RPS6KA5: variants seen among roughly 807,000 people sequenced by gnomAD.
RPS6KA5 encodes the protein ribosomal protein S6 kinase alpha-5.
RPS6KA5 carries 27 observed loss-of-function variants against 85.5 expected under a neutral mutation model. The ratio of observed to expected loss-of-function variants is 0.32; its 90% confidence interval spans 0.23 to 0.44. The LOEUF (loss-of-function observed/expected upper bound fraction) is 0.44, where lower values mean the gene tolerates loss of function less well. Ranked by LOEUF, RPS6KA5 falls within the 20% of genes least tolerant of loss-of-function variation. RPS6KA5 has a pLI of 1.00. For synonymous variants in RPS6KA5, 334 were observed against 348.2 expected, an observed-to-expected ratio of 0.96 and a Z score of 0.46; for missense variants, 811 against 980.9, an observed-to-expected ratio of 0.83 and a Z score of 2.31.
At chr14:90,940,598 C>T (rs1406200305) in intron 5 of RPS6KA5, among the ~76,000 whole-genome samples, 1 of 152,162 alleles carries the variant, frequency 6.6e-6, no homozygotes, top group African/African-American at 2.4e-5. Flanking sequence ...AATGATCTGC[C>T]ACACACACCT....
intron 3 of RPS6KA5, among the ~76,000 whole-genome samples, chr14:90,968,608 G>A (rs1365741341): frequency 6.6e-6 from 1 of 152,116 alleles, no homozygotes. Flanking sequence ...TGTTACTAGA[G>A]TCAATGAATA....
chr14:91,038,868 T>C (rs888531049), intron 1 of RPS6KA5, among the ~76,000 whole-genome samples: 8 of 152,206 alleles, frequency 5.3e-5, no homozygotes, highest in African/African-American at 1.4e-4. Context: ...ACAGAAGGTA[T>C]ACAGCTCTTT....
At position 91,060,608 on chromosome 14, in the gene RPS6KA5, C is replaced by T. The variant is rs1255732958; in HGVS notation, c.-174G>A. 2 of 889,426 alleles carry T rather than the reference C, an allele frequency of 2.2e-6. No individual in the cohort carries two copies. The highest frequency in any genetic ancestry group is 1.7e-5 in the African/African-American group (1 of 57,318). The allele number at this position is 889,426 out of a possible 1,614,324, so 55.1% of individuals were successfully genotyped here. ...TCTGGCCGCACGGCTCGCTCCTCGC[C>T]TCCTCCCCCTTCGGCGGGCACCGCT... On this transcript the variant is annotated 5_prime_UTR_variant, in exon 1 of 17. Transcript: ENST00000614987.
intron 3 of RPS6KA5, among the ~76,000 whole-genome samples, chr14:90,969,461 A>G (rs1436615564): frequency 1.3e-5 from 2 of 152,240 alleles, no homozygotes; most frequent in Non-Finnish European, 2.9e-5. Flanking sequence ...CATAAGCTTT[A>G]AAGTATTACT....
intron 2 of RPS6KA5, among the ~76,000 whole-genome samples, chr14:90,998,247 G>T (rs1393634216): frequency 6.6e-6 from 1 of 152,092 alleles, no homozygotes; most frequent in Admixed American, 6.6e-5. Flanking sequence ...AGGGTTCAGG[G>T]TTTCTTTCTG....
At chr14:91,003,843 C>A (rs1262350038) in intron 1 of RPS6KA5, among the ~76,000 whole-genome samples, 1 of 152,176 alleles carries the variant, frequency 6.6e-6, no homozygotes, top group African/African-American at 2.4e-5. Context: ...CCACTCTCTT[C>A]CACCTCAAGT....
intron 1 of RPS6KA5, among the ~76,000 whole-genome samples, chr14:91,010,066 G>A (rs1021228963): frequency 6.6e-5 from 10 of 151,236 alleles, no homozygotes; most frequent in Admixed American, 2.0e-4. Flanking sequence ...ACCATTAATA[G>A]GGGAAGAATG....
intron 8 of RPS6KA5, among the ~76,000 whole-genome samples, chr14:90,903,900 G>A (rs994429056): frequency 5.3e-5 from 8 of 152,066 alleles, no homozygotes; most frequent in African/African-American, 1.4e-4. Flanking sequence ...ATATGAAAAT[G>A]TGCACTTCTT....
Position 90,857,329 on chromosome 14 carries a change from G to A in RPS6KA5, c.*14745C>T, listed in dbSNP as rs1328822718. ...TATTCTGGAAGACAAAGACCACCAAGCCATTTTTTGGTATCACGAAGCATT... is the reference window on the plus strand; with the variant it reads ...TATTCTGGAAGACAAAGACCACCAAACCATTTTTTGGTATCACGAAGCATT... On this transcript the variant is annotated 3_prime_UTR_variant, in exon 17 of 17. Coordinates refer to ENST00000614987, the MANE Select transcript of RPS6KA5 (RefSeq NM_004755.4). 1.3e-5 allele frequency: 2 copies of A among 152,162 alleles called. No homozygotes were observed. The highest frequency in any genetic ancestry group is 1.5e-5 in the Non-Finnish European group (1 of 68,024). The allele number at this position is 152,162 out of a possible 1,614,324, so 9.4% of individuals were successfully genotyped here. A position where few individuals can be genotyped will look rare whatever the true frequency, so the allele number is the denominator to read the frequency against.
intron 1 of RPS6KA5, among the ~76,000 whole-genome samples, chr14:91,024,695 C>A (rs1309673976): frequency 6.6e-6 from 1 of 152,184 alleles, no homozygotes. Flanking sequence ...TTCTCAGAGG[C>A]TGCCCCTTCT....
chr14:90,929,315 A>C (rs1410855819), intron 5 of RPS6KA5, among the ~76,000 whole-genome samples: 1 of 152,108 alleles, frequency 6.6e-6, no homozygotes, highest in Admixed American at 6.5e-5. Context: ...AAATGAAAAG[A>C]AACAAAGCCA....
intron 14 of RPS6KA5, among the ~76,000 whole-genome samples, chr14:90,876,135 G>C (rs1364885282): frequency 4.6e-5 from 7 of 152,052 alleles, no homozygotes; most frequent in African/African-American, 1.7e-4. Context: ...GGCTTGTTAT[G>C]ATATAGATTT....
intron 1 of RPS6KA5, among the ~76,000 whole-genome samples, chr14:91,041,105 G>A (rs1043505520): frequency 2.6e-5 from 4 of 152,170 alleles, no homozygotes; most frequent in Admixed American, 1.3e-4. Context: ...GTGTTTGTGG[G>A]AAGGAGAACC....
At chr14:90,906,024 T>A (rs1436626845) in intron 8 of RPS6KA5, 125 bp downstream of exon 8, 8 of 895,360 alleles carry the variant, frequency 8.9e-6, no homozygotes, top group African/African-American at 1.7e-5. Flanking sequence ...AAAGGTGCAA[T>A]GTACGTGAAA....
chr14:91,059,714 A>G (rs942652733), intron 1 of RPS6KA5, among the ~76,000 whole-genome samples: 1 of 152,226 alleles, frequency 6.6e-6, no homozygotes, highest in Non-Finnish European at 1.5e-5. Flanking sequence ...CTCTGAAGGA[A>G]ATTCAAGGCC....
intron 3 of RPS6KA5, among the ~76,000 whole-genome samples, chr14:90,963,865 T>C (rs1025551562): frequency 6.6e-6 from 1 of 151,446 alleles, no homozygotes; most frequent in Non-Finnish European, 1.5e-5. Context: ...CACCGAGGAG[T>C]AGATTATTTG....
At chr14:90,950,919 G>C (rs2038141224) in intron 3 of RPS6KA5, among the ~76,000 whole-genome samples, 1 of 151,790 alleles carries the variant, frequency 6.6e-6, no homozygotes, top group Admixed American at 6.6e-5. Context: ...TCATGGGTTT[G>C]AGACTAGCCT....
Position 90,902,854 on chromosome 14 carries a change from G to A in RPS6KA5, c.1073C>T (p.Thr358Ile). ...CTGGGGCAGGGCTGCGGGAGAATAA[G>A]TGGGATCCATTTCTGTGAACTCTTC... ...FAEEFTEMDP[T>I]YSPAALPQSS... is the part of the protein sequence containing the mutation. The change falls in exon 9 of 17, where the codon ACT (threonine) becomes ATT (isoleucine). Residue 358 changes from threonine (T) to isoleucine (I), a missense_variant. Thr to Ile is a moderately conservative substitution (Grantham distance 89). Coordinates refer to ENST00000614987, the MANE Select transcript of RPS6KA5 (RefSeq NM_004755.4). The A allele has an allele frequency of 1.2e-6, 2 of 1,614,102 alleles. No homozygotes were observed. The highest frequency in any genetic ancestry group is 1.1e-5 in the South Asian group (1 of 91,080).
At position 90,940,482 on chromosome 14, in the gene RPS6KA5, AAGACCT is replaced by A. The variant is rs1231580011; in HGVS notation, c.618+2590_618+2595del. ...TCTGACTAATGCTTATTACTGTATT[AAGACCT>A]AGCAACTCTGGTCAACTTTGATTTT... On this transcript the variant is annotated intron_variant, in intron 5 of 16. Coordinates refer to ENST00000614987, the MANE Select transcript of RPS6KA5 (RefSeq NM_004755.4). 2.6e-5 allele frequency among the ~76,000 whole-genome samples: 4 copies of A among 152,288 alleles called. No individual in the cohort carries two copies. In the South Asian group the frequency reaches 8.3e-4, roughly 32 times the overall value.
Sources: allele counts gnomAD v4.1 joint callset (sites outside exome capture counted in the v4.1 genomes callset), GRCh38; gene constraint gnomAD v4.1.1; transcripts MANE v1.5; gene names NCBI Gene and HGNC (gene_info 2026-07-23, HGNC 2026-07-21).